Variants in HDAC9 observed in about 807,000 individuals in gnomAD.
HDAC9 encodes the protein MEF-2 interacting transcription repressor (MITR) protein.
HDAC9 carries 41 observed loss-of-function variants against 139.4 expected under a neutral mutation model. That is an observed-to-expected ratio of 0.29 (90% confidence interval 0.23 to 0.38). The LOEUF (loss-of-function observed/expected upper bound fraction) is 0.38, where lower values mean the gene tolerates loss of function less well. HDAC9 is among the 10% of genes least tolerant of loss of function. HDAC9 has a pLI of 1.00. For missense variants in HDAC9, 1,147 were observed against 1,297.0 expected (o/e 0.88, Z 1.78); for synonymous variants, 517 against 476.2 (o/e 1.09, Z -1.12).
At chr7:18,938,333 C>T (rs758585440) in intron 23 of HDAC9, among the ~76,000 whole-genome samples, 4 of 151,638 alleles carry the variant, frequency 2.6e-5, no homozygotes, top group Middle Eastern at 3.5e-3. Context: ...CGGTGTCTCA[C>T]GCCTGTAATC....
At chr7:18,435,099 T>C (rs1791062613) in intron 1 of HDAC9, among the ~76,000 whole-genome samples, 1 of 151,240 alleles carries the variant, frequency 6.6e-6, no homozygotes, top group South Asian at 2.1e-4. Flanking sequence ...ATCATGTCTT[T>C]TGCTGCGACA....
chr7:18,847,605 C>T (rs1231336391), intron 21 of HDAC9, among the ~76,000 whole-genome samples: 1 of 152,170 alleles, frequency 6.6e-6, no homozygotes, highest in Non-Finnish European at 1.5e-5. Flanking sequence ...AAAATTAAAT[C>T]CCAGCTTCTA....
intron 22 of HDAC9, among the ~76,000 whole-genome samples, chr7:18,905,119 C>T (rs564950004): frequency 2.6e-5 from 4 of 151,972 alleles, no homozygotes; most frequent in East Asian, 3.9e-4. Context: ...TCAAACTCTT[C>T]GCCTCAAGTG....
chr7:18,608,845 A>T (rs993234127), intron 6 of HDAC9, among the ~76,000 whole-genome samples: 1 of 152,166 alleles, frequency 6.6e-6, no homozygotes, highest in East Asian at 1.9e-4. Flanking sequence ...ATAGGTTCCT[A>T]ATAGATTGAT....
chr7:18,565,018 G>A (rs1197000647), intron 2 of HDAC9, among the ~76,000 whole-genome samples: 1 of 148,700 alleles, frequency 6.7e-6, no homozygotes, highest in Non-Finnish European at 1.5e-5. Flanking sequence ...TTATTTTGAG[G>A]CGGAGTTTCA....
In HDAC9 at chr7:18,390,940, T is replaced by C. The variant is rs570985921; in HGVS notation, c.-42+100425T>C. Among the ~76,000 whole-genome samples, 3 of 152,142 alleles carry C rather than the reference T, an allele frequency of 2.0e-5. No homozygotes were observed. In the East Asian group the frequency reaches 5.8e-4, roughly 29 times the overall value. ...CCTGTCTCTACTAAAAATACAAAAA[T>C]TAGCCAGGCATGGTGGCACACACCT... On this transcript the variant is annotated intron_variant, in intron 1 of 3. Coordinates refer to the HDAC9 transcript ENST00000413509.
intron 2 of HDAC9, among the ~76,000 whole-genome samples, chr7:18,280,937 AT>A (rs1197465290): frequency 6.6e-6 from 1 of 152,180 alleles, no homozygotes; most frequent in East Asian, 1.9e-4. Flanking sequence ...GCTTAATGTT[AT>A]CTTTTCCAGT....
At chr7:18,535,827 A>G (rs1007091727) in intron 2 of HDAC9, among the ~76,000 whole-genome samples, 6 of 152,088 alleles carry the variant, frequency 3.9e-5, no homozygotes, top group African/African-American at 1.2e-4. Context: ...AGCAAACAAA[A>G]CAGAAGAAAA....
intron 13 of HDAC9, among the ~76,000 whole-genome samples, chr7:18,738,014 T>C (rs998721904): frequency 7.2e-5 from 11 of 152,222 alleles, no homozygotes; most frequent in Admixed American, 2.6e-4. Flanking sequence ...CATTATGTAA[T>C]GGTGTTCTTT....
At chr7:18,932,622 A>G (rs1804844780) in intron 22 of HDAC9, among the ~76,000 whole-genome samples, 1 of 152,074 alleles carries the variant, frequency 6.6e-6, no homozygotes, top group Non-Finnish European at 1.5e-5. Context: ...TTAACTGGAG[A>G]CCAGAATAAA....
intron 1 of HDAC9, among the ~76,000 whole-genome samples, chr7:18,300,692 C>T (rs1798480461): frequency 6.6e-6 from 1 of 152,012 alleles, no homozygotes. Flanking sequence ...AGTTCTTGAA[C>T]TATATACCAC....
chr7:18,509,409 C>T (rs915326268), intron 2 of HDAC9: 11 of 985,286 alleles, frequency 1.1e-5, no homozygotes, highest in East Asian at 1.1e-4. Context: ...TCCTGGCCAA[C>T]GTGCTTTGTG....
At chr7:18,893,310 A>T (rs2129271876) in intron 22 of HDAC9, among the ~76,000 whole-genome samples, 1 of 150,698 alleles carries the variant, frequency 6.6e-6, no homozygotes, top group Middle Eastern at 3.4e-3. Context: ...GTGAAGGAAC[A>T]TAACATAACC....
At chr7:18,165,855 A>G (rs925678685) in intron 2 of HDAC9, among the ~76,000 whole-genome samples, 3 of 152,020 alleles carry the variant, frequency 2.0e-5, no homozygotes, top group Non-Finnish European at 4.4e-5. Context: ...AGAGAAGGCA[A>G]TAATTTGAGG....
intron 19 of HDAC9, among the ~76,000 whole-genome samples, chr7:18,832,709 G>T (rs16872130): frequency 6.7e-6 from 1 of 149,990 alleles, no homozygotes; most frequent in Non-Finnish European, 1.5e-5. Context: ...TTTACAGCAA[G>T]GAAAACAAAC....
chr7:18,941,922 T>G (rs1782054875), intron 23 of HDAC9, among the ~76,000 whole-genome samples: 1 of 152,106 alleles, frequency 6.6e-6, no homozygotes, highest in Non-Finnish European at 1.5e-5. Context: ...GGACGTTGTT[T>G]GGATAATTCA....
chr7:18,263,816 G>A (rs375638039), intron 2 of HDAC9, among the ~76,000 whole-genome samples: 6 of 151,848 alleles, frequency 4.0e-5, no homozygotes, highest in Non-Finnish European at 7.4e-5. Flanking sequence ...ATGGGGTTTC[G>A]CCATGTTCAC....
intron 14 of HDAC9, among the ~76,000 whole-genome samples, chr7:18,751,180 A>G (rs867552534): frequency 2.0e-5 from 3 of 152,152 alleles, no homozygotes; most frequent in South Asian, 2.1e-4. Context: ...TTGAAACCAT[A>G]CAATTCAGTT....
At chr7:18,907,124 C>A (rs1436026804) in intron 22 of HDAC9, 2 of 152,290 alleles carry the variant, frequency 1.3e-5, no homozygotes, top group South Asian at 4.1e-4. Flanking sequence ...GCAATTAAAC[C>A]CAAATGATCT....
Sources: allele counts gnomAD v4.1 joint callset (sites outside exome capture counted in the v4.1 genomes callset), GRCh38; gene constraint gnomAD v4.1.1; transcripts MANE v1.5; gene names NCBI Gene and HGNC (gene_info 2026-07-23, HGNC 2026-07-21).